NXPE2: variants seen among roughly 807,000 people sequenced by gnomAD.
NXPE2 encodes the protein neurexophilin and PC-esterase domain family member 2.
In NXPE2, 34 loss-of-function variants were observed where a neutral mutation model predicts 34.4. That is an observed-to-expected ratio of 0.99 (90% CI 0.75 to 1.31). NXPE2 has a LOEUF of 1.31. Among genes scored for constraint, NXPE2 ranks in the 40% most tolerant of loss-of-function variants. NXPE2 has a pLI of 0.00. For missense variants in NXPE2, 649 were observed against 672.5 expected, an observed-to-expected ratio of 0.97 and a Z score of 0.39; for synonymous variants, 235 against 231.3, an observed-to-expected ratio of 1.02 and a Z score of -0.15.
At chr11:114,631,468 A>G in the NXPE2 span, among the ~76,000 whole-genome samples, 1 of 146,004 alleles carries the variant, frequency 6.8e-6, no homozygotes, top group African/African-American at 2.5e-5. Flanking sequence ...GTGGGAACTG[A>G]AAAATGAGAA....
the NXPE2 span, among the ~76,000 whole-genome samples, chr11:114,658,499 T>C: frequency 6.6e-6 from 1 of 152,088 alleles, no homozygotes; most frequent in Admixed American, 6.6e-5. Flanking sequence ...AATGCAGGCC[T>C]GGAGGGGGAG....
chr11:114,720,703 T>C, the NXPE2 span, among the ~76,000 whole-genome samples: 4 of 152,262 alleles, frequency 2.6e-5, no homozygotes, highest in Non-Finnish European at 5.9e-5. Flanking sequence ...ATAGGTTGAA[T>C]ATATTAAGTT....
chr11:114,597,270 A>C, the NXPE2 span, among the ~76,000 whole-genome samples: 1 of 152,188 alleles, frequency 6.6e-6, no homozygotes, highest in African/African-American at 2.4e-5. Context: ...GGAGGAAAAA[A>C]AGAAGTGGAA....
the NXPE2 span, among the ~76,000 whole-genome samples, chr11:114,490,067 C>A: frequency 6.6e-6 from 1 of 152,122 alleles, no homozygotes; most frequent in African/African-American, 2.4e-5. Flanking sequence ...CAATAACAGA[C>A]AAACAGAGAG....
chr11:114,608,495 G>A, the NXPE2 span, among the ~76,000 whole-genome samples: 1 of 149,466 alleles, frequency 6.7e-6, no homozygotes, highest in Non-Finnish European at 1.5e-5. Context: ...AATGTTACCT[G>A]GTAGATGATA....
chr11:114,809,998 G>A, the NXPE2 span, among the ~76,000 whole-genome samples: 1 of 150,762 alleles, frequency 6.6e-6, no homozygotes, highest in African/African-American at 2.5e-5. Flanking sequence ...CAGAGATATA[G>A]ACCAATGGAA....
chr11:114,812,054 C>A, the NXPE2 span, among the ~76,000 whole-genome samples: 24 of 152,206 alleles, frequency 1.6e-4, no homozygotes, highest in Admixed American at 9.8e-4. Flanking sequence ...AAAAAGGACA[C>A]AACGAAAGAA....
upstream of NXPE2, among the ~76,000 whole-genome samples, chr11:114,674,037 T>G (rs1431163752): frequency 3.3e-5 from 5 of 151,628 alleles, no homozygotes; most frequent in Admixed American, 2.6e-4. Context: ...TAGTGGAGAT[T>G]AAAAATTTCA....
chr11:114,655,090 T>C, the NXPE2 span, among the ~76,000 whole-genome samples: 50 of 152,264 alleles, frequency 3.3e-4, no homozygotes, highest in East Asian at 5.0e-3. Flanking sequence ...AGCTTTTTTT[T>C]CTTCATATGT....
At chr11:114,810,298 A>G in the NXPE2 span, among the ~76,000 whole-genome samples, 1 of 151,178 alleles carries the variant, frequency 6.6e-6, no homozygotes, top group Non-Finnish European at 1.5e-5. Flanking sequence ...CTTCATGTCT[A>G]GAACACCAAA....
chr11:114,652,287 C>A, the NXPE2 span, among the ~76,000 whole-genome samples: 2 of 152,150 alleles, frequency 1.3e-5, no homozygotes, highest in Non-Finnish European at 2.9e-5. Context: ...GGAAATGATG[C>A]CCTTAAGGCA....
At chr11:114,739,077 C>A in the NXPE2 span, among the ~76,000 whole-genome samples, 3 of 152,066 alleles carry the variant, frequency 2.0e-5, no homozygotes, top group African/African-American at 7.2e-5. Context: ...ATAATTTAAG[C>A]AGGCAAGTTT....
chr11:114,730,852 A>G, the NXPE2 span, among the ~76,000 whole-genome samples: 1 of 152,118 alleles, frequency 6.6e-6, no homozygotes, highest in Non-Finnish European at 1.5e-5. Context: ...AGAGAGGTTG[A>G]CTTCCTATTT....
upstream of NXPE2, among the ~76,000 whole-genome samples, chr11:114,673,949 A>G (rs1033676196): frequency 5.3e-5 from 8 of 151,862 alleles, no homozygotes; most frequent in African/African-American, 1.7e-4. Context: ...TCACCATGAC[A>G]ATGTCATTTA....
the NXPE2 span, chr11:114,571,533 A>G: frequency 1.4e-6 from 2 of 1,388,556 alleles, no homozygotes; most frequent in Non-Finnish European, 2.0e-6. Context: ...GATTGAGTAG[A>G]TATAAAGATG....
the NXPE2 span, among the ~76,000 whole-genome samples, chr11:114,574,832 T>C: frequency 6.6e-6 from 1 of 152,096 alleles, no homozygotes; most frequent in African/African-American, 2.4e-5. Flanking sequence ...CCTCCCTAAA[T>C]AATTCTATAA....
the NXPE2 span, among the ~76,000 whole-genome samples, chr11:114,790,537 C>G: frequency 2.0e-5 from 3 of 152,162 alleles, no homozygotes; most frequent in Admixed American, 2.0e-4. Context: ...CAGCACAAAA[C>G]CCAGATTTTC....
At chr11:114,554,751 G>A in the NXPE2 span, among the ~76,000 whole-genome samples, 3 of 152,128 alleles carry the variant, frequency 2.0e-5, no homozygotes, top group South Asian at 2.1e-4. Context: ...TAATATTACC[G>A]TGATTTGTTG....
At chr11:114,681,575 A>G in intron 2 of NXPE2, among the ~76,000 whole-genome samples, 1 of 152,044 alleles carries the variant, frequency 6.6e-6, no homozygotes, top group East Asian at 1.9e-4. Flanking sequence ...ACTTCCTTCA[A>G]GTCTTTTTCA....
Sources: gnomAD v4.1 joint callset for allele counts (sites outside exome capture counted in the v4.1 genomes callset) on GRCh38, gnomAD v4.1.1 for gene constraint, MANE v1.5 for transcripts, NCBI Gene and HGNC (gene_info 2026-07-23, HGNC 2026-07-21) for gene names.